PPEF1: variants seen among roughly 807,000 people sequenced by gnomAD.
PPEF1 encodes the protein serine/threonine-protein phosphatase with EF-hands 1.
Under a neutral mutation model 53.3 loss-of-function variants are expected in PPEF1, and 12 were observed. The ratio of observed to expected loss-of-function variants is 0.23; its 90% CI spans 0.14 to 0.36. The LOEUF (loss-of-function observed/expected upper bound fraction) is 0.36, where lower values mean the gene tolerates loss of function less well. PPEF1 is among the 10% of genes least tolerant of loss of function. PPEF1 has a pLI of 1.00. For synonymous variants in PPEF1, 165 were observed against 176.7 expected, an observed-to-expected ratio of 0.93 and a Z score of 0.52; for missense variants, 334 against 490.4, an observed-to-expected ratio of 0.68 and a Z score of 3.01.
chrX:18,815,239 G>C (rs2046881827), intron 12 of PPEF1, among the ~76,000 whole-genome samples: 1 of 111,489 alleles, frequency 9.0e-6, no homozygotes, highest in Admixed American at 9.6e-5. Flanking sequence ...TATGTTTCTG[G>C]ATGCCATTTG....
chrX:18,758,950 A>G (rs934936798), intron 5 of PPEF1, among the ~76,000 whole-genome samples: 2 of 111,494 alleles, frequency 1.8e-5, no homozygotes, highest in African/African-American at 6.5e-5. Flanking sequence ...TCTCTAGTCT[A>G]TTCCTTGCTC....
chrX:18,715,694 G>A (rs753786944), intron 1 of PPEF1, among the ~76,000 whole-genome samples: 4 of 111,661 alleles, frequency 3.6e-5, no homozygotes, highest in East Asian at 2.8e-4. Flanking sequence ...AGTCTCCCTC[G>A]TTTTATAAAT....
intron 1 of PPEF1, among the ~76,000 whole-genome samples, chrX:18,723,411 A>G (rs1448482434): frequency 8.9e-6 from 1 of 112,173 alleles, no homozygotes; most frequent in Non-Finnish European, 1.9e-5. Context: ...AGTGCTTCCT[A>G]TATGACAGGC....
intron 6 of PPEF1, among the ~76,000 whole-genome samples, chrX:18,777,728 G>A (rs1455814256): frequency 1.9e-5 from 2 of 106,131 alleles, no homozygotes; most frequent in African/African-American, 3.5e-5. Context: ...GTTTCACCGT[G>A]TGTTAGCCAG....
At chrX:18,755,923 A>T (rs911107838) in intron 4 of PPEF1, among the ~76,000 whole-genome samples, 2 of 111,014 alleles carry the variant, frequency 1.8e-5, no homozygotes, top group Non-Finnish European at 3.8e-5. Flanking sequence ...GTATGGATAT[A>T]GCACATTGTA....
chrX:18,793,706 C>T (rs1296982314), intron 10 of PPEF1, among the ~76,000 whole-genome samples: 2 of 84,068 alleles, frequency 2.4e-5, no homozygotes, highest in Admixed American at 1.5e-4. Flanking sequence ...CCACCCCCCG[C>T]CCGTGTATGA....
Position 18,818,141 on chromosome X carries a change from A to C in PPEF1, c.1497A>C (p.Lys499Asn). The C allele has an allele frequency of 1.7e-6, 2 of 1,170,867 alleles. No individual in the cohort carries two copies. Among genetic ancestry groups the C allele is most frequent in the Non-Finnish European group, 2.3e-6 (2 of 861,396 alleles). Residue 499 changes from lysine (K) to asparagine (N), a missense_variant, in exon 13 of 16, where the codon AAA becomes AAC. Coordinates refer to ENST00000470157, the MANE Select transcript of PPEF1 (RefSeq NM_001377996.1). ...CTTTCCAACTTCAAGACCACAGAAA[A>C]TCAGGTAACAAATTTGCATAACATT... ...TRAFQLQDHR[K>N]SGKLSVSQWA...
chrX:18,786,646 G>C (rs2046207111), intron 9 of PPEF1, among the ~76,000 whole-genome samples: 1 of 108,966 alleles, frequency 9.2e-6, no homozygotes, highest in Non-Finnish European at 1.9e-5. Flanking sequence ...AGCTGGGCAT[G>C]GTGGTGCACA....
chrX:18,742,050 G>A (rs941665855), intron 3 of PPEF1, among the ~76,000 whole-genome samples: 3 of 110,223 alleles, frequency 2.7e-5, no homozygotes, highest in Admixed American at 9.7e-5. Context: ...TGCCTGCCTC[G>A]GCCTTCCAAA....
At chrX:18,790,730 C>T (rs1484856852) in intron 10 of PPEF1, among the ~76,000 whole-genome samples, 1 of 109,627 alleles carries the variant, frequency 9.1e-6, no homozygotes, top group African/African-American at 3.3e-5. Flanking sequence ...GACAGAGTCT[C>T]GCTCTGTTAC....
chrX:18,824,299 G>T (rs1036732920), intron 14 of PPEF1, among the ~76,000 whole-genome samples: 2 of 111,088 alleles, frequency 1.8e-5, no homozygotes, highest in Admixed American at 9.6e-5. Flanking sequence ...AATCAGCCGG[G>T]TGTGGTCGTG....
chrX:18,793,277 G>T (rs1017954451), intron 10 of PPEF1, among the ~76,000 whole-genome samples: 2 of 110,012 alleles, frequency 1.8e-5, no homozygotes, highest in Admixed American at 2.0e-4. Flanking sequence ...CAATAGTATT[G>T]TCTAAATATC....
At chrX:18,753,286 A>G (rs1269361941) in intron 4 of PPEF1, among the ~76,000 whole-genome samples, 2 of 111,803 alleles carry the variant, frequency 1.8e-5, no homozygotes, top group African/African-American at 6.5e-5. Flanking sequence ...TTGGTGTACA[A>G]TTGTTCATAG....
chrX:18,727,680 C>A (rs1028966910), intron 1 of PPEF1, among the ~76,000 whole-genome samples: 1 of 110,654 alleles, frequency 9.0e-6, no homozygotes, highest in African/African-American at 3.3e-5. Flanking sequence ...GCCTACCCAC[C>A]CCACCCCAAC....
At chrX:18,714,877 C>T (rs1248576387) in intron 1 of PPEF1, among the ~76,000 whole-genome samples, 1 of 111,975 alleles carries the variant, frequency 8.9e-6, no homozygotes, top group Non-Finnish European at 1.9e-5. Flanking sequence ...CAAGGGAACA[C>T]AGCAAGTCAC....
chrX:18,750,046 T>C, intron 4 of PPEF1, 94 bp downstream of exon 4: 1 of 866,341 alleles, frequency 1.2e-6, no homozygotes, highest in South Asian at 2.6e-5. Context: ...CAGAGATGCA[T>C]TTCTTTAGAA....
chrX:18,696,025 T>A (rs766260309), intron 4 of PPEF1, among the ~76,000 whole-genome samples: 2 of 112,633 alleles, frequency 1.8e-5, no homozygotes, highest in South Asian at 7.3e-4. Flanking sequence ...TCCTAGTTAA[T>A]GTGATTTTTC....
upstream of PPEF1, among the ~76,000 whole-genome samples, chrX:18,679,587 T>C (rs1218021200): frequency 8.9e-6 from 1 of 112,043 alleles, no homozygotes; most frequent in East Asian, 2.8e-4. Context: ...ACATTTTGCC[T>C]GGATCATAGC....
intron 13 of PPEF1, among the ~76,000 whole-genome samples, chrX:18,819,773 T>C (rs913715051): frequency 2.7e-5 from 3 of 111,736 alleles, no homozygotes; most frequent in African/African-American, 6.5e-5. Flanking sequence ...GAGGAGAGAA[T>C]AGAATGTAAG....
Sources: gnomAD v4.1 joint callset for allele counts (sites outside exome capture counted in the v4.1 genomes callset) on GRCh38, gnomAD v4.1.1 for gene constraint, MANE v1.5 for transcripts, NCBI Gene and HGNC (gene_info 2026-07-23, HGNC 2026-07-21) for gene names.